The following SCN1A variants were observed in gnomAD, a reference collection of about 807,000 sequenced individuals.
SCN1A encodes sodium channel protein type 1 subunit alpha.
Under a neutral mutation model 193.7 loss-of-function variants are expected in SCN1A, and 13 were observed. The observed-to-expected ratio is 0.07, with a 90% CI of 0.04 to 0.11. SCN1A has a LOEUF of 0.11. Among genes scored for constraint, SCN1A ranks in the 10% least tolerant of loss-of-function variants. The pLI is 1.00. For missense variants in SCN1A, 1,432 were observed against 2,451.1 expected (o/e 0.58, Z 8.78); for synonymous variants, 781 against 843.6 (o/e 0.93, Z 1.29).
At chr2:166,026,688 T>C (rs1277095766) in intron 19 of SCN1A, among the ~76,000 whole-genome samples, 86 of 133,148 alleles carry the variant, frequency 6.5e-4, no homozygotes, top group Non-Finnish European at 1.1e-3. Flanking sequence ...TCTTTTTTTT[T>C]TTTTTTTTTT....
intron 1 of SCN1A, among the ~76,000 whole-genome samples, chr2:166,147,434 C>A (rs1394763842): frequency 6.6e-6 from 1 of 152,010 alleles, no homozygotes; most frequent in East Asian, 1.9e-4. Flanking sequence ...CTTATTACAA[C>A]AAAGAAGAAT....
intron 2 of SCN1A, among the ~76,000 whole-genome samples, chr2:166,108,359 AGGAATGTAAAAT>A (rs777626829): frequency 1.3e-5 from 2 of 152,118 alleles, no homozygotes; most frequent in Non-Finnish European, 2.9e-5. Flanking sequence ...TATTGTTAGT[AGGAATGTAAAAT>A]GGTACAGCCA....
Position 166,056,380 on chromosome 2 carries a change from A to G in SCN1A, c.473+31T>C, listed in dbSNP as rs767191093. The G allele has an allele frequency of 1.7e-5, 22 of 1,280,274 alleles. No individual in the cohort carries two copies. In the South Asian group the frequency reaches 2.4e-4, roughly 14 times the overall value. The allele number at this position is 1,280,274 out of a possible 1,614,324, so 79.3% of individuals were successfully genotyped here. A position where few individuals can be genotyped will look rare whatever the true frequency, so the allele number is the denominator to read the frequency against. On this transcript the variant is annotated intron_variant, in intron 6 of 28. Coordinates refer to ENST00000674923, the MANE Select transcript of SCN1A (RefSeq NM_001165963.4). ...CACAGTTTCAAAATCCCAAATGTATATATGTTATTAAAAATATAAGTTGAA... is the reference window on the plus strand; with the variant it reads ...CACAGTTTCAAAATCCCAAATGTATGTATGTTATTAAAAATATAAGTTGAA...
intron 20 of SCN1A, 103 bp downstream of exon 20, chr2:166,015,504 A>G (rs1693150894): frequency 1.4e-6 from 2 of 1,387,430 alleles, no homozygotes; most frequent in Non-Finnish European, 2.0e-6. Flanking sequence ...AATTATATCT[A>G]TTACAAAGTG....
chr2:166,015,734 G>T lies in SCN1A; in HGVS notation c.3430-7C>A, dbSNP rs975085305. On this transcript the variant is annotated splice_region_variant and splice_polypyrimidine_tract_variant and intron_variant, in intron 19 of 28. Transcript: ENST00000674923. ...TACTGCTTTCATTCAGTTTCTGTAA[G>T]TGAGATGGACATAGAAAGTAAAGTC... is the stretch of plus-strand genomic sequence containing the variant. The T allele has an allele frequency of 3.7e-6, 6 of 1,612,488 alleles. No homozygotes were observed. The highest frequency in any genetic ancestry group is 3.4e-6 in the Non-Finnish European group (4 of 1,178,730).
intron 2 of SCN1A, among the ~76,000 whole-genome samples, chr2:166,094,824 C>G (rs1052281779): frequency 1.0e-5 from 1 of 97,556 alleles, no homozygotes; most frequent in African/African-American, 3.8e-5. Context: ...GGGCAGTGTG[C>G]TCCTTTCCTG....
At chr2:166,015,176 C>T (rs779642045) in intron 20 of SCN1A, among the ~76,000 whole-genome samples, 2 of 151,702 alleles carry the variant, frequency 1.3e-5, no homozygotes, top group African/African-American at 2.4e-5. Flanking sequence ...AGTATTTATT[C>T]CCCATTTCAT....
At chr2:166,047,090 G>A in intron 11 of SCN1A, 114 bp from the exon 12 acceptor site, 2 of 1,191,144 alleles carry the variant, frequency 1.7e-6, no homozygotes, top group Non-Finnish European at 2.4e-6. Flanking sequence ...TAATTATGTT[G>A]GTCATAGCAC....
chr2:166,098,389 G>A (rs1687635444), intron 2 of SCN1A, among the ~76,000 whole-genome samples: 1 of 152,066 alleles, frequency 6.6e-6, no homozygotes, highest in Admixed American at 6.6e-5. Flanking sequence ...CCAACTCACA[G>A]CCAACATCAT....
At chr2:166,090,051 T>TTG in intron 2 of SCN1A, among the ~76,000 whole-genome samples, 1 of 140,176 alleles carries the variant, frequency 7.1e-6, no homozygotes. Flanking sequence ...TTTTTTTTTT[T>TTG]TTTTTTGATA....
intron 6 of SCN1A, among the ~76,000 whole-genome samples, chr2:166,055,545 T>C (rs1340663674): frequency 6.6e-6 from 1 of 152,006 alleles, no homozygotes; most frequent in Admixed American, 6.6e-5. Context: ...CTCTTGGAAA[T>C]AGGTTGGTGC....
At chr2:165,999,152 T>C (rs1380755364) in intron 25 of SCN1A, 10 of 151,778 alleles carry the variant, frequency 6.6e-5, no homozygotes, top group Admixed American at 6.6e-4. Context: ...ATTTTGGTGA[T>C]ATACACTTAA....
In SCN1A at chr2:166,048,216, A is replaced by G. The variant is rs554189289; in HGVS notation, c.1029-448T>C. ...TCTCTTTTTTTATACTTTTATTTGA[A>G]GTTCAGGGGTACGTACATGTACAGG... On this transcript the variant is annotated intron_variant, in intron 10 of 28. Coordinates refer to ENST00000674923, the MANE Select transcript of SCN1A (RefSeq NM_001165963.4). Among the ~76,000 whole-genome samples, 19 of 152,104 alleles carry G rather than the reference A, an allele frequency of 1.2e-4. No homozygotes were observed. The South Asian group carries it at 3.9e-3, about 32-fold the overall frequency.
At chr2:166,086,860 G>T (rs1256215603) in intron 2 of SCN1A, among the ~76,000 whole-genome samples, 3 of 152,136 alleles carry the variant, frequency 2.0e-5, no homozygotes, top group Admixed American at 2.0e-4. Context: ...TTGTTTGAGA[G>T]CTCAGCAGCT....
In SCN1A at chr2:165,991,138, AAC is replaced by A. The variant is rs1439220966; in HGVS notation, c.*105_*106del. 1 of 991,400 alleles carries A rather than the reference AAC, an allele frequency of 1.0e-6. No individual in the cohort carries two copies. Among genetic ancestry groups the A allele is most frequent in the Middle Eastern group, 3.2e-4 (1 of 3,108 alleles). The allele number at this position is 991,400 out of a possible 1,614,324, so 61.4% of individuals were successfully genotyped here. A position where few individuals can be genotyped will look rare whatever the true frequency, so the allele number is the denominator to read the frequency against. On this transcript the variant is annotated 3_prime_UTR_variant, in exon 29 of 29. Transcript: ENST00000674923. ...CTGACCTTAAGGAGATTTGTGTAAA[AAC>A]AGTCAGTTTGGCATTGACCTCCTAA...
chr2:166,144,853 G>GTT (rs76856475), intron 1 of SCN1A, among the ~76,000 whole-genome samples: 17 of 138,618 alleles, frequency 1.2e-4, no homozygotes, highest in African/African-American at 3.5e-4. Flanking sequence ...AAGGATCATG[G>GTT]TTTTTTTTTT....
intron 19 of SCN1A, among the ~76,000 whole-genome samples, chr2:166,030,912 T>C (rs1320847560): frequency 6.6e-6 from 1 of 152,272 alleles, no homozygotes; most frequent in East Asian, 1.9e-4. Flanking sequence ...TATTGTCTTT[T>C]GCATAGTCTT....
At chr2:166,091,818 A>G (rs886695187) in intron 2 of SCN1A, among the ~76,000 whole-genome samples, 11 of 152,336 alleles carry the variant, frequency 7.2e-5, no homozygotes, top group African/African-American at 2.6e-4. Flanking sequence ...TCTATGCAAC[A>G]TATTGAAGAA....
intron 2 of SCN1A, among the ~76,000 whole-genome samples, chr2:166,120,728 C>G (rs966215843): frequency 7.3e-5 from 11 of 151,366 alleles, no homozygotes; most frequent in Non-Finnish European, 1.6e-4. Flanking sequence ...ACTCTCCTGG[C>G]TCAGCCTCCT....
Sources: allele counts gnomAD v4.1 joint callset (sites outside exome capture counted in the v4.1 genomes callset), GRCh38; gene constraint gnomAD v4.1.1; transcripts MANE v1.5; gene names NCBI Gene and HGNC (gene_info 2026-07-23, HGNC 2026-07-21).